Variants in HORMAD2 observed in about 807,000 individuals in gnomAD.
HORMAD2 encodes HORMA domain-containing protein 2.
Under a neutral mutation model 38.8 loss-of-function variants are expected in HORMAD2, and 45 were observed. The ratio of observed to expected loss-of-function variants is 1.16; its 90% CI spans 0.91 to 1.49. The LOEUF (loss-of-function observed/expected upper bound fraction) is 1.49. Ranked by LOEUF, HORMAD2 falls within the 40% of genes most tolerant of loss-of-function variation. HORMAD2 has a pLI of 0.00. For missense variants in HORMAD2, 338 were observed against 367.0 expected, an observed-to-expected ratio of 0.92 and a Z score of 0.65; for synonymous variants, 126 against 122.8, an observed-to-expected ratio of 1.03 and a Z score of -0.17.
intron 10 of HORMAD2, among the ~76,000 whole-genome samples, chr22:30,132,945 A>AATTAAT (rs1382395821): frequency 6.6e-6 from 1 of 152,236 alleles, no homozygotes; most frequent in Non-Finnish European, 1.5e-5. Flanking sequence ...TGGATGTTAC[A>AATTAAT]ATTAATAAGC....
chr22:30,088,169 GTATACATA>G (rs1299174138), intron 1 of HORMAD2, among the ~76,000 whole-genome samples: 13 of 140,866 alleles, frequency 9.2e-5, no homozygotes, highest in African/African-American at 2.4e-4. Flanking sequence ...GTATACCTAT[GTATACATA>G]TATACATATA....
chr22:30,092,840 G>A (rs1337454460), intron 1 of HORMAD2, among the ~76,000 whole-genome samples: 1 of 151,872 alleles, frequency 6.6e-6, no homozygotes, highest in Non-Finnish European at 1.5e-5. Flanking sequence ...CTGTTCCATT[G>A]GTCTATGTAT....
the HORMAD2 span, among the ~76,000 whole-genome samples, chr22:30,203,394 C>CAA: frequency 0.28 from 35,227 of 127,602 alleles, 5,769 homozygotes; most frequent in Middle Eastern, 0.5. Context: ...GACTCTGTCT[C>CAA]AAAAAAAAAA....
chr22:30,114,171 A>T (rs946053987), intron 7 of HORMAD2, among the ~76,000 whole-genome samples: 1 of 152,230 alleles, frequency 6.6e-6, no homozygotes, highest in Non-Finnish European at 1.5e-5. Flanking sequence ...TAGGAAACAA[A>T]AGCTGGTTAT....
At chr22:30,198,506 A>T in the HORMAD2 span, among the ~76,000 whole-genome samples, 1 of 32,380 alleles carries the variant, frequency 3.1e-5, no homozygotes, top group Non-Finnish European at 6.6e-5. Context: ...CTGAGCACAG[A>T]TCTTTTTTTT....
At chr22:30,135,219 G>A (rs759270984) in intron 10 of HORMAD2, among the ~76,000 whole-genome samples, 6 of 151,976 alleles carry the variant, frequency 3.9e-5, no homozygotes, top group Non-Finnish European at 7.4e-5. Flanking sequence ...AGTAATGTAA[G>A]AGTTACCCTC....
chr22:30,102,594 A>C (rs1555941552), intron 3 of HORMAD2, among the ~76,000 whole-genome samples: 1 of 152,216 alleles, frequency 6.6e-6, no homozygotes, highest in Non-Finnish European at 1.5e-5. Flanking sequence ...CACATAAATC[A>C]GTGATTGATC....
intron 10 of HORMAD2, among the ~76,000 whole-genome samples, chr22:30,166,510 G>A (rs1431584077): frequency 1.3e-5 from 2 of 152,082 alleles, no homozygotes; most frequent in African/African-American, 4.8e-5. Flanking sequence ...TAGACAGTAC[G>A]GCTTTTGAAT....
chr22:30,132,331 C>T (rs1923340933), intron 10 of HORMAD2, among the ~76,000 whole-genome samples: 2 of 152,216 alleles, frequency 1.3e-5, no homozygotes, highest in South Asian at 4.1e-4. Flanking sequence ...CCTATAATCC[C>T]AGCACTTTGG....
At chr22:30,114,867 G>C (rs746062062) in intron 7 of HORMAD2, among the ~76,000 whole-genome samples, 20 of 152,164 alleles carry the variant, frequency 1.3e-4, no homozygotes, top group Non-Finnish European at 2.5e-4. Flanking sequence ...GATGACCAAC[G>C]AAAGTAACTA....
intron 10 of HORMAD2, among the ~76,000 whole-genome samples, chr22:30,158,600 TCCCTCCC>T: frequency 2.0e-5 from 2 of 101,588 alleles, no homozygotes; most frequent in Non-Finnish European, 3.8e-5. Flanking sequence ...CTTCCTTCCC[TCCCTCCC>T]TCCGTCCCTC....
At chr22:30,199,379 C>T in the HORMAD2 span, among the ~76,000 whole-genome samples, 1 of 152,194 alleles carries the variant, frequency 6.6e-6, no homozygotes, top group Non-Finnish European at 1.5e-5. Flanking sequence ...GGGTTTTAAG[C>T]CAGGATCTCT....
chr22:30,164,449 TC>T, intron 10 of HORMAD2, among the ~76,000 whole-genome samples: 1 of 152,226 alleles, frequency 6.6e-6, no homozygotes. Flanking sequence ...CTTCACAGCA[TC>T]CCCAACTTGT....
At chr22:30,108,599 TA>T (rs1467453064) in intron 5 of HORMAD2, among the ~76,000 whole-genome samples, 1 of 152,128 alleles carries the variant, frequency 6.6e-6, no homozygotes, top group Non-Finnish European at 1.5e-5. Context: ...CTCCCTAGCC[TA>T]GATGGTCCCT....
chr22:30,102,268 A>C (rs1569086830), intron 3 of HORMAD2, among the ~76,000 whole-genome samples: 1 of 152,200 alleles, frequency 6.6e-6, no homozygotes, highest in Non-Finnish European at 1.5e-5. Context: ...AGAACATAGA[A>C]TTGAGAAAGA....
intron 10 of HORMAD2, among the ~76,000 whole-genome samples, chr22:30,147,326 G>A (rs1290433985): frequency 1.3e-5 from 2 of 151,996 alleles, no homozygotes; most frequent in African/African-American, 2.4e-5. Context: ...AGACCCACAC[G>A]TATGTAGTCA....
intron 5 of HORMAD2, among the ~76,000 whole-genome samples, chr22:30,106,071 C>T (rs1921167650): frequency 1.3e-5 from 2 of 152,196 alleles, no homozygotes; most frequent in East Asian, 1.9e-4. Context: ...AGTGCAGTGG[C>T]GCAAACTTGG....
intron 10 of HORMAD2, among the ~76,000 whole-genome samples, chr22:30,152,225 T>C (rs1380966570): frequency 3.9e-5 from 6 of 152,140 alleles, no homozygotes; most frequent in African/African-American, 7.2e-5. Context: ...TTAGAAACAG[T>C]CTCGCTCTGT....
At chr22:30,159,844 GT>G (rs1925334274) in intron 10 of HORMAD2, among the ~76,000 whole-genome samples, 1 of 151,990 alleles carries the variant, frequency 6.6e-6, no homozygotes. Context: ...AAGGTCCTTA[GT>G]TTTTTCCTCT....
Sources: allele counts gnomAD v4.1 joint callset (sites outside exome capture counted in the v4.1 genomes callset), GRCh38; gene constraint gnomAD v4.1.1; transcripts MANE v1.5; gene names NCBI Gene and HGNC (gene_info 2026-07-23, HGNC 2026-07-21).